HYDIN: variants seen among roughly 807,000 people sequenced by gnomAD.
HYDIN encodes axonemal central pair apparatus protein HYDIN.
HYDIN carries 132 observed loss-of-function variants against 403.9 expected under a neutral mutation model. The ratio of observed to expected loss-of-function variants is 0.33; its 90% CI spans 0.28 to 0.38. HYDIN has a LOEUF of 0.38. HYDIN is among the 10% of genes least tolerant of loss of function. The probability of loss-of-function intolerance (pLI) is 1.00; values close to 1 mark genes in which losing one functional copy is unlikely to be tolerated. For synonymous variants in HYDIN, 1,202 were observed against 1,891.7 expected, an observed-to-expected ratio of 0.64 and a Z score of 9.46; for missense variants, 2,827 against 5,009.5, an observed-to-expected ratio of 0.56 and a Z score of 13.15.
intron 18 of HYDIN, among the ~76,000 whole-genome samples, chr16:71,058,851 TC>T (rs1402495075): frequency 6.6e-6 from 1 of 151,726 alleles, no homozygotes; most frequent in East Asian, 1.9e-4. Context: ...ACCCCTTCTC[TC>T]CCTCCTCCTC....
chr16:71,216,437 A>C (rs959860065), intron 1 of HYDIN, among the ~76,000 whole-genome samples: 1 of 152,100 alleles, frequency 6.6e-6, no homozygotes, highest in African/African-American at 2.4e-5. Context: ...ATGTATACAA[A>C]ATGGCAAAAC....
chr16:71,215,748 C>A (rs2088844295), intron 1 of HYDIN, among the ~76,000 whole-genome samples: 2 of 149,176 alleles, frequency 1.3e-5, no homozygotes, highest in African/African-American at 2.5e-5. Context: ...ACTACTGTAC[C>A]AGAATATTTA....
At chr16:71,092,887 G>A (rs1422666513) in intron 11 of HYDIN, among the ~76,000 whole-genome samples, 1 of 143,356 alleles carries the variant, frequency 7.0e-6, no homozygotes, top group Non-Finnish European at 1.5e-5. Context: ...AAATGAACGA[G>A]TGAAGGTCAA....
intron 57 of HYDIN, among the ~76,000 whole-genome samples, chr16:70,891,211 CAG>C (rs1368254570): frequency 6.6e-6 from 1 of 152,168 alleles, no homozygotes; most frequent in East Asian, 1.9e-4. Flanking sequence ...TTTTTTGAGA[CAG>C]AGTCTCGTTC....
intron 41 of HYDIN, 44 bp from the exon 42 acceptor site, chr16:70,943,993 A>G (rs2077765880): frequency 2.8e-6 from 4 of 1,448,868 alleles, no homozygotes; most frequent in South Asian, 2.4e-5. Context: ...CTGGCCTTGT[A>G]TCTCAACAAC....
chr16:71,215,225 G>C (rs1047969842), intron 1 of HYDIN, among the ~76,000 whole-genome samples: 1 of 151,862 alleles, frequency 6.6e-6, no homozygotes, highest in Non-Finnish European at 1.5e-5. Context: ...AAGGGAGGAA[G>C]GGAGAAAGGG....
At position 71,020,246 on chromosome 16, in the gene HYDIN, G is replaced by A. The variant is rs769650432; in HGVS notation, c.3258C>T (p.Asn1086=). The change falls in exon 22 of 86, where the codon AAC becomes AAT. Residue 1086 remains asparagine (N), a synonymous_variant. Coordinates refer to ENST00000393567, the MANE Select transcript of HYDIN (RefSeq NM_001270974.2). Reference sequence around the variant, plus strand: ...AGGGTCCAGATGTTGACAGCAACAAGTTCACGGGCAGGGTGGAAATGTTCT... The same window carrying A: ...AGGGTCCAGATGTTGACAGCAACAAATTCACGGGCAGGGTGGAAATGTTCT... ...AIKNISTLPV[N]LLLSTSGPFF... The A allele has an allele frequency of 1.2e-6, 2 of 1,614,082 alleles. No homozygotes were observed. Among genetic ancestry groups the A allele is most frequent in the East Asian group, 4.5e-5 (2 of 44,846 alleles).
intron 60 of HYDIN, among the ~76,000 whole-genome samples, chr16:70,881,823 A>T (rs2040827187): frequency 6.6e-6 from 1 of 152,112 alleles, no homozygotes; most frequent in South Asian, 2.1e-4. Flanking sequence ...GGGCCTGAGG[A>T]CCTCCTGGGC....
chr16:71,051,227 T>C (rs2081624721), intron 18 of HYDIN, among the ~76,000 whole-genome samples: 1 of 152,172 alleles, frequency 6.6e-6, no homozygotes, highest in African/African-American at 2.4e-5. Flanking sequence ...CATATAATCA[T>C]CTGGATAGAC....
intron 41 of HYDIN, among the ~76,000 whole-genome samples, chr16:70,949,263 A>T (rs1164575458): frequency 2.9e-5 from 4 of 137,556 alleles, no homozygotes; most frequent in African/African-American, 8.1e-5. Flanking sequence ...AACAATGAAA[A>T]CACATGGACA....
chr16:70,955,925 T>C (rs2078221586), intron 39 of HYDIN, among the ~76,000 whole-genome samples: 1 of 152,174 alleles, frequency 6.6e-6, no homozygotes, highest in Admixed American at 6.5e-5. Context: ...TTCAAGTGAT[T>C]CTCCTGCCTC....
chr16:71,024,971 G>A (rs1366434021), intron 21 of HYDIN, among the ~76,000 whole-genome samples: 1 of 152,198 alleles, frequency 6.6e-6, no homozygotes, highest in African/African-American at 2.4e-5. Context: ...TGTATGTAAT[G>A]AACATGGCTC....
In HYDIN at chr16:70,981,393, G is replaced by A. The variant is rs1393132636; in HGVS notation, c.4508C>T (p.Thr1503Ile). The A allele has an allele frequency of 6.2e-7, 1 of 1,613,260 alleles. No homozygotes were observed. Among genetic ancestry groups the A allele is most frequent in the Non-Finnish European group, 8.5e-7 (1 of 1,179,616 alleles). Reference sequence around the variant, plus strand: ...ACTACTCCAGTGTGAAGTACTACCTGTGAGGTTCCTGGGGAGATCGAGGCA... The same window carrying A: ...ACTACTCCAGTGTGAAGTACTACCTATGAGGTTCCTGGGGAGATCGAGGCA... ...QICLDLPRNLTANEKYEMFLN... is the reference protein window; with the variant it reads ...QICLDLPRNLIANEKYEMFLN... Residue 1503 changes from threonine to isoleucine, a missense_variant and splice_region_variant, in exon 29 of 86, where the codon ACA (threonine) becomes ATA (isoleucine). By Grantham distance (89) the Thr-to-Ile change is moderately conservative (BLOSUM62 -1). Coordinates refer to ENST00000393567, the MANE Select transcript of HYDIN (RefSeq NM_001270974.2).
In HYDIN at chr16:70,895,699, C is replaced by T. The variant is rs1482428925; in HGVS notation, c.9148+282G>A. Among the ~76,000 whole-genome samples, 6 of 151,446 alleles carry T rather than the reference C, an allele frequency of 4.0e-5. No individual in the cohort carries two copies. The South Asian group carries it at 8.4e-4, about 21-fold the overall frequency. ...GACATTTTATGGCAGTGATAGAAAA[C>T]TAATACAGGAAAGAGGAGAGGTGTT... On this transcript the variant is annotated intron_variant, in intron 54 of 85. Coordinates refer to ENST00000393567, the MANE Select transcript of HYDIN (RefSeq NM_001270974.2).
chr16:70,886,776 T>G (rs917768568), intron 58 of HYDIN, among the ~76,000 whole-genome samples: 2 of 152,248 alleles, frequency 1.3e-5, no homozygotes, highest in African/African-American at 2.4e-5. Context: ...GTAAGAAATC[T>G]GCTGTCATTC....
chr16:71,184,821 T>A, intron 3 of HYDIN, 44 bp downstream of exon 3: 1 of 1,520,552 alleles, frequency 6.6e-7, no homozygotes, highest in Admixed American at 1.9e-5. Context: ...TTTGGTGTTG[T>A]GCCAGGGCCC....
chr16:70,927,024 A>G (rs1448961590), intron 45 of HYDIN, among the ~76,000 whole-genome samples: 1 of 152,200 alleles, frequency 6.6e-6, no homozygotes, highest in Non-Finnish European at 1.5e-5. Flanking sequence ...GGCCTAGCAC[A>G]TTTATGATTG....
intron 45 of HYDIN, among the ~76,000 whole-genome samples, chr16:70,930,510 TC>T (rs1195008488): frequency 6.6e-6 from 1 of 151,706 alleles, no homozygotes; most frequent in Non-Finnish European, 1.5e-5. Flanking sequence ...GACCCACCAA[TC>T]TTCATTCTAG....
At chr16:70,870,520 G>A (rs1659513806) in intron 65 of HYDIN, among the ~76,000 whole-genome samples, 1 of 149,682 alleles carries the variant, frequency 6.7e-6, no homozygotes. Flanking sequence ...CTCAGGACAT[G>A]GCTGCAGAGG....
Sources: gnomAD v4.1 joint callset for allele counts (sites outside exome capture counted in the v4.1 genomes callset) on GRCh38, gnomAD v4.1.1 for gene constraint, MANE v1.5 for transcripts, NCBI Gene and HGNC (gene_info 2026-07-23, HGNC 2026-07-21) for gene names.